Variants in NEDD9 observed in about 807,000 individuals in gnomAD.
NEDD9 encodes the protein neural precursor cell expressed, developmentally down-regulated 9.
NEDD9 carries 26 observed loss-of-function variants against 76.6 expected under a neutral mutation model. The observed-to-expected ratio is 0.34, with a 90% CI of 0.25 to 0.47. The LOEUF is 0.47. Among genes scored for constraint, NEDD9 ranks in the 20% least tolerant of loss-of-function variants. The pLI, the probability that NEDD9 is intolerant of heterozygous loss-of-function variation, is 1.00. For synonymous variants in NEDD9, 392 were observed against 414.2 expected, an observed-to-expected ratio of 0.95 and a Z score of 0.65; for missense variants, 937 against 1,058.5, an observed-to-expected ratio of 0.89 and a Z score of 1.59.
intron 3 of NEDD9, among the ~76,000 whole-genome samples, chr6:11,268,746 G>GACACACACACACACACACAC: frequency 7.3e-6 from 1 of 136,590 alleles, no homozygotes; most frequent in African/African-American, 2.8e-5. Context: ...CACACACACA[G>GACACACACACACACACACAC]ACACACACAC....
At chr6:11,194,622 G>A (rs995470627) in intron 2 of NEDD9, among the ~76,000 whole-genome samples, 1 of 152,106 alleles carries the variant, frequency 6.6e-6, no homozygotes, top group Non-Finnish European at 1.5e-5. Flanking sequence ...GAGGCACCAG[G>A]AACAGAATTC....
chr6:11,262,638 T>C (rs190377357), intron 3 of NEDD9, among the ~76,000 whole-genome samples: 319 of 152,346 alleles, frequency 2.1e-3, no homozygotes, highest in African/African-American at 6.8e-3. Flanking sequence ...TATCCCAGAA[T>C]AGGGTTCTTA....
intron 6 of NEDD9, among the ~76,000 whole-genome samples, chr6:11,186,994 A>G (rs968607386): frequency 6.6e-6 from 1 of 152,262 alleles, no homozygotes; most frequent in African/African-American, 2.4e-5. Context: ...AAAGCCCTGC[A>G]GTCTTACCTT....
At chr6:11,365,668 A>T (rs925856306) in intron 1 of NEDD9, among the ~76,000 whole-genome samples, 2 of 152,224 alleles carry the variant, frequency 1.3e-5, no homozygotes, top group African/African-American at 4.8e-5. Flanking sequence ...AGGCTTGATC[A>T]TAACAAATGC....
chr6:11,259,356 A>G (rs1330654402), intron 3 of NEDD9, among the ~76,000 whole-genome samples: 1 of 152,188 alleles, frequency 6.6e-6, no homozygotes, highest in African/African-American at 2.4e-5. Flanking sequence ...TAACACAGCA[A>G]ATGATTTCGG....
chr6:11,215,987 T>C (rs1758943097), intron 1 of NEDD9, among the ~76,000 whole-genome samples: 1 of 151,588 alleles, frequency 6.6e-6, no homozygotes, highest in Admixed American at 6.6e-5. Context: ...CGTGCGAGAG[T>C]CGTCCTGGGC....
At chr6:11,268,471 TA>T (rs1760241082) in intron 3 of NEDD9, among the ~76,000 whole-genome samples, 1 of 151,030 alleles carries the variant, frequency 6.6e-6, no homozygotes, top group Non-Finnish European at 1.5e-5. Flanking sequence ...CTCGTGCCTG[TA>T]ATCCCAGCAC....
At chr6:11,342,966 A>G (rs1762301622) in intron 1 of NEDD9, among the ~76,000 whole-genome samples, 2 of 152,174 alleles carry the variant, frequency 1.3e-5, no homozygotes, top group African/African-American at 4.8e-5. Flanking sequence ...GAGACTAAAT[A>G]TGAAAAAGAA....
In NEDD9 at chr6:11,213,325, G is replaced by A; in HGVS notation, c.415C>T (p.Gln139Ter). Residue 139 changes from glutamine (Q) to a stop codon, truncating the protein, a stop_gained, in exon 2 of 7, where the codon CAG becomes TAG. Coordinates refer to ENST00000379446, the MANE Select transcript of NEDD9 (RefSeq NM_006403.4). LOFTEE classifies it high-confidence loss of function. The surrounding 1 kb of genome is among the most constrained non-coding windows in gnomAD (Gnocchi z 5.4). ...CCACTGGTTCCCCCAATGCTTCTCT[G>A]CACTGATGGTGGCACCTGATATACC... ...QEVYQVPPSV[Q>*]RSIGGTSGPH... 6.2e-7 allele frequency: 1 copy of A among 1,614,096 alleles called. No homozygotes were observed. Among genetic ancestry groups the A allele is most frequent in the Non-Finnish European group, 8.5e-7 (1 of 1,179,998 alleles).
chr6:11,342,790 G>C (rs747178001), intron 1 of NEDD9, among the ~76,000 whole-genome samples: 2 of 152,076 alleles, frequency 1.3e-5, no homozygotes, highest in Non-Finnish European at 2.9e-5. Context: ...AATAGACTCA[G>C]TAATAAAAAA....
intron 1 of NEDD9, among the ~76,000 whole-genome samples, chr6:11,371,634 A>G (rs1762876966): frequency 6.6e-6 from 1 of 152,210 alleles, no homozygotes; most frequent in African/African-American, 2.4e-5. Flanking sequence ...CAAATGTAAG[A>G]TTTTTTAGAG....
intron 3 of NEDD9, among the ~76,000 whole-genome samples, chr6:11,282,386 C>T (rs1760554037): frequency 6.6e-6 from 1 of 152,194 alleles, no homozygotes; most frequent in Non-Finnish European, 1.5e-5. Context: ...CACATGGTGC[C>T]AGTGCCATGG....
intron 1 of NEDD9, among the ~76,000 whole-genome samples, chr6:11,356,596 G>A (rs1401192855): frequency 6.6e-6 from 1 of 152,098 alleles, no homozygotes; most frequent in East Asian, 1.9e-4. Context: ...GTAAGGCTGG[G>A]CGGGGCTGGA....
At chr6:11,195,225 T>C (rs1219979735) in intron 2 of NEDD9, among the ~76,000 whole-genome samples, 1 of 152,212 alleles carries the variant, frequency 6.6e-6, no homozygotes. Context: ...TACAACTGAT[T>C]GTTTCTTGCA....
At chr6:11,255,719 G>A (rs1759990507) in intron 3 of NEDD9, among the ~76,000 whole-genome samples, 1 of 152,038 alleles carries the variant, frequency 6.6e-6, no homozygotes, top group Admixed American at 6.5e-5. Flanking sequence ...GAGGCCTTTT[G>A]AGATCTGTTA....
At position 11,198,530 on chromosome 6, in the gene NEDD9, T is replaced by C. The variant is rs9393968; in HGVS notation, c.460-4838A>G. ...CCCCACCAAGCCCTTCCCAAACAGA[T>C]AATATGTCTCTATCCTTGGAACTCC... On this transcript the variant is annotated intron_variant, in intron 2 of 6. Transcript: ENST00000379446. This position sits in a 1 kb window ranked among gnomAD's most constrained non-coding sequence, Gnocchi z 4.7. The C allele has an allele frequency of 0.32, 49,266 of 152,054 alleles. 8,128 individuals carry two copies. The highest frequency in any genetic ancestry group is 0.43 in the Middle Eastern group (127 of 294). 9.4% of individuals were successfully genotyped at this position (152,054 alleles called of 1,614,324 possible).
chr6:11,189,920 GC>G, intron 5 of NEDD9, 43 bp downstream of exon 5: 2 of 1,500,518 alleles, frequency 1.3e-6, no homozygotes, highest in Non-Finnish European at 1.8e-6. Flanking sequence ...CAGGCTCCCT[GC>G]ATGTGAGTGA....
chr6:11,282,062 A>G (rs747272867), intron 3 of NEDD9, among the ~76,000 whole-genome samples: 1 of 152,204 alleles, frequency 6.6e-6, no homozygotes, highest in African/African-American at 2.4e-5. Flanking sequence ...TTCTCAGAGA[A>G]TTATATTATG....
intron 3 of NEDD9, among the ~76,000 whole-genome samples, chr6:11,261,159 A>C (rs1760103376): frequency 6.6e-6 from 1 of 152,176 alleles, no homozygotes; most frequent in Non-Finnish European, 1.5e-5. Flanking sequence ...AGCCGTGATG[A>C]TTGGTAATAA....
Sources: allele counts gnomAD v4.1 joint callset (sites outside exome capture counted in the v4.1 genomes callset), GRCh38; gene constraint gnomAD v4.1.1; non-coding constraint Gnocchi (gnomAD v3.1); transcripts MANE v1.5; gene names NCBI Gene and HGNC (gene_info 2026-07-23, HGNC 2026-07-21).